Variants in SYNE2 observed in about 807,000 individuals in gnomAD.
The protein encoded by SYNE2 is nesprin-2.
In SYNE2, 431 loss-of-function variants were observed where a neutral mutation model predicts 856.3. That is an observed-to-expected ratio of 0.50 (90% CI 0.47 to 0.55). SYNE2 has a LOEUF of 0.55. Ranked by LOEUF, SYNE2 falls within the 20% of genes least tolerant of loss-of-function variation. The pLI, the probability that SYNE2 is intolerant of heterozygous loss-of-function variation, is 0.00. For missense variants in SYNE2, 8,129 were observed against 8,023.2 expected (o/e 1.01, Z -0.50); for synonymous variants, 2,923 against 2,872.3 (o/e 1.02, Z -0.56).
intron 79 of SYNE2, among the ~76,000 whole-genome samples, chr14:64,138,335 G>A (rs1206575365): frequency 6.6e-6 from 1 of 151,956 alleles, no homozygotes; most frequent in Admixed American, 6.6e-5. Flanking sequence ...GGACTCAAGC[G>A]ATCCTCCTGC....
intron 1 of SYNE2, among the ~76,000 whole-genome samples, chr14:63,892,097 T>C (rs995858418): frequency 6.6e-6 from 1 of 152,178 alleles, no homozygotes; most frequent in African/African-American, 2.4e-5. Flanking sequence ...TTCTTTTAAA[T>C]ATCTTGGGGA....
intron 37 of SYNE2, 83 bp downstream of exon 37, chr14:64,022,111 C>A: frequency 7.6e-7 from 1 of 1,321,470 alleles, no homozygotes; most frequent in Non-Finnish European, 1.1e-6. Flanking sequence ...CTAATCTAAG[C>A]CTGACTTAGA....
At chr14:63,867,276 A>G (rs879463104) in intron 1 of SYNE2, among the ~76,000 whole-genome samples, 5 of 152,054 alleles carry the variant, frequency 3.3e-5, no homozygotes, top group Non-Finnish European at 7.4e-5. Flanking sequence ...GCACATTTAT[A>G]TGAGCATTCA....
intron 2 of SYNE2, among the ~76,000 whole-genome samples, chr14:63,919,972 G>GTTTTTTTTTGTTTTTTT (rs2095577897): frequency 9.0e-6 from 1 of 110,620 alleles, no homozygotes; most frequent in Non-Finnish European, 1.8e-5. Context: ...TAAAAGGTAA[G>GTTTTTTTTTGTTTTTTT]TTTTTTTTTT....
At chr14:64,158,563 C>T (rs568471475) in intron 85 of SYNE2, 62 bp from the exon 86 acceptor site, 1 of 1,557,576 alleles carries the variant, frequency 6.4e-7, no homozygotes, top group Non-Finnish European at 8.8e-7. Context: ...AATGGTAGAT[C>T]TGTTGGAGAG....
rs761070657 is a variant in SYNE2, at chr14:64,170,399, T to C, written c.17172T>C (p.Ser5724=). 13 of 1,614,212 alleles carry C rather than the reference T, an allele frequency of 8.1e-6. No individual in the cohort carries two copies. Among genetic ancestry groups the C allele is most frequent in the South Asian group, 1.1e-5 (1 of 91,082 alleles). Residue 5724 remains serine (S), a synonymous_variant, in exon 94 of 116, where the codon TCT becomes TCC. Coordinates refer to ENST00000555002, the MANE Select transcript of SYNE2 (RefSeq NM_182914.3). ...RFLTDTSHLL[S]AVKGQERFSL... is the part of the protein sequence containing the mutation. Reference sequence around the variant, plus strand: ...TCACTGACACCAGCCACCTGCTATCTGCAGTGAAGGGCCAGGAGCGCTTCA... The same window carrying C: ...TCACTGACACCAGCCACCTGCTATCCGCAGTGAAGGGCCAGGAGCGCTTCA...
At chr14:64,224,099 C>A (rs906438372) in intron 113 of SYNE2, among the ~76,000 whole-genome samples, 1 of 147,406 alleles carries the variant, frequency 6.8e-6, no homozygotes, top group African/African-American at 2.6e-5. Context: ...AATCCCAGCA[C>A]TTGGGGAGGC....
intron 1 of SYNE2, among the ~76,000 whole-genome samples, chr14:63,859,627 G>T (rs552461385): frequency 7.4e-4 from 112 of 152,314 alleles, no homozygotes; most frequent in Non-Finnish European, 1.5e-3. Flanking sequence ...GACCAGCCTG[G>T]CCAACATAGT....
intron 45 of SYNE2, among the ~76,000 whole-genome samples, chr14:64,038,386 C>T (rs1451448843): frequency 6.6e-6 from 1 of 152,252 alleles, no homozygotes; most frequent in Non-Finnish European, 1.5e-5. Context: ...GGGCTCCTCA[C>T]CTCCCAGACG....
chr14:63,815,505 C>T (rs939235976), intron 1 of SYNE2, among the ~76,000 whole-genome samples: 6 of 151,922 alleles, frequency 3.9e-5, no homozygotes, highest in African/African-American at 1.4e-4. Context: ...AGATGGTGCC[C>T]ACCCAGATTA....
intron 101 of SYNE2, 136 bp from the exon 102 acceptor site, chr14:64,209,292 G>C (rs866733038): frequency 7.1e-7 from 1 of 1,407,394 alleles, no homozygotes; most frequent in Middle Eastern, 2.0e-4. Context: ...CAGACAAGAA[G>C]TGGCGTCCCT....
intron 17 of SYNE2, among the ~76,000 whole-genome samples, chr14:63,983,307 CTTT>C (rs1487244755): frequency 6.6e-6 from 1 of 152,062 alleles, no homozygotes; most frequent in Non-Finnish European, 1.5e-5. Flanking sequence ...CACATGTTTT[CTTT>C]GAGTGTATGC....
At chr14:63,998,371 T>C in intron 26 of SYNE2, 43 bp downstream of exon 26, 1 of 1,310,288 alleles carries the variant, frequency 7.6e-7, no homozygotes, top group Non-Finnish European at 1.1e-6. Flanking sequence ...ACCAGAAGTC[T>C]TTCATCGATG....
chr14:64,173,096 C>T (rs140630558), intron 94 of SYNE2, among the ~76,000 whole-genome samples: 50 of 152,118 alleles, frequency 3.3e-4, no homozygotes, highest in Non-Finnish European at 1.6e-4. Context: ...TTGGTGAGTC[C>T]GGGTCTTAGG....
intron 21 of SYNE2, among the ~76,000 whole-genome samples, chr14:63,993,497 G>C (rs184589097): frequency 5.3e-5 from 8 of 152,340 alleles, no homozygotes; most frequent in Admixed American, 4.6e-4. Flanking sequence ...TTAGCCAGGG[G>C]CTCATTAACC....
intron 99 of SYNE2, chr14:64,190,981 G>A: frequency 2.8e-6 from 2 of 702,218 alleles, no homozygotes; most frequent in Non-Finnish European, 5.2e-6. Flanking sequence ...CTTGGCCTTG[G>A]GACCACTTGT....
intron 1 of SYNE2, among the ~76,000 whole-genome samples, chr14:63,871,022 T>C (rs542201946): frequency 1.3e-5 from 2 of 152,288 alleles, no homozygotes; most frequent in African/African-American, 4.8e-5. Context: ...ATTTTACTTT[T>C]TTGTCTTTAA....
chr14:64,196,218 T>G (rs1210392382), intron 99 of SYNE2, among the ~76,000 whole-genome samples: 1 of 152,192 alleles, frequency 6.6e-6, no homozygotes, highest in South Asian at 2.1e-4. Context: ...GATATAATAA[T>G]GACTAAATGT....
At chr14:64,127,687 G>T (rs1040926005) in intron 73 of SYNE2, among the ~76,000 whole-genome samples, 1 of 152,154 alleles carries the variant, frequency 6.6e-6, no homozygotes. Flanking sequence ...AGGTAGAAGA[G>T]TTAGGAAGCT....
Sources: gnomAD v4.1 joint callset for allele counts (sites outside exome capture counted in the v4.1 genomes callset) on GRCh38, gnomAD v4.1.1 for gene constraint, MANE v1.5 for transcripts, NCBI Gene and HGNC (gene_info 2026-07-23, HGNC 2026-07-21) for gene names.